ERBB2: variants seen among roughly 807,000 people sequenced by gnomAD.
ERBB2 encodes erb-b2 receptor tyrosine kinase 2, also known as receptor tyrosine-protein kinase erbB-2.
In ERBB2, 61 loss-of-function variants were observed where a neutral mutation model predicts 149.0. That is an observed-to-expected ratio of 0.41 (90% confidence interval 0.33 to 0.51). The LOEUF (loss-of-function observed/expected upper bound fraction) is 0.51. ERBB2 is among the 20% of genes least tolerant of loss of function. ERBB2 has a pLI of 0.25. For synonymous variants in ERBB2, 633 were observed against 678.8 expected (o/e 0.93, Z 1.05); for missense variants, 1,205 against 1,655.1 (o/e 0.73, Z 4.72).
intron 14 of ERBB2, 31 bp from the exon 15 acceptor site, chr17:39,717,289 G>A: frequency 1.3e-6 from 2 of 1,562,024 alleles, no homozygotes; most frequent in Non-Finnish European, 1.7e-6. Context: ...GTCAGTGCCA[G>A]CCCCCCACAA....
Position 39,728,408 on chromosome 17 carries a change from G to T in ERBB2, c.*364G>T. On this transcript the variant is annotated 3_prime_UTR_variant, in exon 27 of 27. Coordinates refer to ENST00000269571, the MANE Select transcript of ERBB2 (RefSeq NM_004448.4). ...GAAGCGGCCCTAAGGGAGTGTCTAA[G>T]AACAAAAGCGACCCATTCAGAGACT... 4.1e-6 allele frequency: 1 copy of T among 246,216 alleles called. No individual in the cohort carries two copies. The highest frequency in any genetic ancestry group is 2.2e-5 in the African/African-American group (1 of 45,632). The allele number at this position is 246,216 out of a possible 1,614,324, so 15.3% of individuals were successfully genotyped here.
intron 3 of ERBB2, among the ~76,000 whole-genome samples, chr17:39,708,921 TATTCTC>T (rs2058629137): frequency 6.6e-6 from 1 of 152,160 alleles, no homozygotes; most frequent in South Asian, 2.1e-4. Context: ...AAATCAGTGT[TATTCTC>T]ATTCTACATA....
rs369499945 is a variant in ERBB2, at chr17:39,708,368, G to A, written c.273G>A (p.Val91=). The A allele has an allele frequency of 1.2e-6, 2 of 1,614,044 alleles. No homozygotes were observed. Among genetic ancestry groups the A allele is most frequent in the Admixed American group, 3.3e-5 (2 of 60,004 alleles). The change falls in exon 3 of 27, where the codon GTG becomes GTA. Residue 91 remains valine, a synonymous_variant. Transcript: ENST00000269571. ...QGYVLIAHNQ[V]RQVPLQRLRI... is the part of the protein sequence containing the mutation. ...ACGTGCTCATCGCTCACAACCAAGT[G>A]AGGCAGGTCCCACTGCAGAGGCTGC...
chr17:39,712,429 C>G lies in ERBB2; in HGVS notation c.1129C>G (p.Leu377Val), dbSNP rs2058864747. 6.2e-7 allele frequency: 1 copy of G among 1,613,750 alleles called. No individual in the cohort carries two copies. Among genetic ancestry groups the G allele is most frequent in the Non-Finnish European group, 8.5e-7 (1 of 1,179,920 alleles). ...GAAGATCTTTGGGAGCCTGGCATTTCTGCCGGAGAGCTTTGATGGGTAAGA... is the reference window on the plus strand; with the variant it reads ...GAAGATCTTTGGGAGCCTGGCATTTGTGCCGGAGAGCTTTGATGGGTAAGA... ...CKKIFGSLAF[L>V]PESFDGDPAS... is the part of the protein sequence containing the mutation. Residue 377 changes from leucine (L) to valine (V), a missense_variant, in exon 9 of 27, where the codon CTG becomes GTG. Leu to Val is a conservative substitution (Grantham distance 32, BLOSUM62 1). Transcript: ENST00000269571.
At chr17:39,716,954 A>T (rs2059167275) in intron 14 of ERBB2, 1 of 452,230 alleles carries the variant, frequency 2.2e-6, no homozygotes, top group Non-Finnish European at 4.0e-6. Flanking sequence ...TTGTAATAAT[A>T]CCTACCTTGC....
intron 7 of ERBB2, 114 bp from the exon 8 acceptor site, chr17:39,711,814 A>C: frequency 1.6e-6 from 2 of 1,241,662 alleles, no homozygotes; most frequent in Non-Finnish European, 2.3e-6. Context: ...GATGCGTGGT[A>C]GGGCATTTAA....
In ERBB2 at chr17:39,716,621, G is replaced by A. The variant is rs772368317; in HGVS notation, c.1737+16G>A. The A allele has an allele frequency of 1.2e-6, 2 of 1,612,004 alleles. No homozygotes were observed. The highest frequency in any genetic ancestry group is 1.7e-6 in the Non-Finnish European group (2 of 1,178,718). ...TTTTGGACCGGTGAGCTGCTGGCGG[G>A]CTCAGAGCTGGGTGGAGGGGGGCAG... On this transcript the variant is annotated intron_variant, in intron 14 of 26. Coordinates refer to ENST00000269571, the MANE Select transcript of ERBB2 (RefSeq NM_004448.4).
Position 39,727,123 on chromosome 17 carries a change from T to C in ERBB2, c.3159+120T>C. The C allele has an allele frequency of 8.1e-7, 1 of 1,240,380 alleles. No individual in the cohort carries two copies. The highest frequency in any genetic ancestry group is 1.1e-6 in the Non-Finnish European group (1 of 890,792). The allele number at this position is 1,240,380 out of a possible 1,614,324, so 76.8% of individuals were successfully genotyped here. ...CCTCTCAAGGAAACCCCATTATCCC[T>C]ACAAAAAATTCTTACTGCCTTCCAA... On this transcript the variant is annotated intron_variant, in intron 25 of 26. Coordinates refer to ENST00000269571, the MANE Select transcript of ERBB2 (RefSeq NM_004448.4). This position sits in a 1 kb window ranked among gnomAD's most constrained non-coding sequence, Gnocchi z 4.3.
At position 39,727,954 on chromosome 17, in the gene ERBB2, C is replaced by T. The variant is rs2143314269; in HGVS notation, c.3678C>T (p.Asp1226=). ...AFDNLYYWDQ[D]PPERGAPPST... is the part of the protein sequence containing the mutation. ...ACAACCTCTATTACTGGGACCAGGA[C>T]CCACCAGAGCGGGGGGCTCCACCCA... The change falls in exon 27 of 27, where the codon GAC becomes GAT. Residue 1226 remains aspartate, a synonymous_variant. Transcript: ENST00000269571. The surrounding 1 kb of genome is among the most constrained non-coding windows in gnomAD (Gnocchi z 4.3). 4 of 1,614,044 alleles carry T rather than the reference C, an allele frequency of 2.5e-6. No homozygotes were observed. Among genetic ancestry groups the T allele is most frequent in the South Asian group, 1.1e-5 (1 of 91,080 alleles).
At chr17:39,704,608 G>GAC (rs2058314002) in intron 1 of ERBB2, among the ~76,000 whole-genome samples, 1 of 152,126 alleles carries the variant, frequency 6.6e-6, no homozygotes, top group African/African-American at 2.4e-5. Flanking sequence ...CAGATATGGG[G>GAC]ACAATGGTAA....
intron 12 of ERBB2, 137 bp downstream of exon 12, chr17:39,716,076 G>A: frequency 1.9e-6 from 2 of 1,068,502 alleles, no homozygotes; most frequent in South Asian, 1.6e-5. Context: ...CACAGCTCTG[G>A]CTGGCTTGGC....
upstream of ERBB2, among the ~76,000 whole-genome samples, chr17:39,693,061 C>CAAAACA (rs1449684829): frequency 6.6e-5 from 10 of 152,010 alleles, no homozygotes. Context: ...GTCTCTGTCT[C>CAAAACA]AAAACAAAAA....
chr17:39,705,558 C>T (rs2058375239), intron 1 of ERBB2, among the ~76,000 whole-genome samples: 1 of 152,128 alleles, frequency 6.6e-6, no homozygotes. Flanking sequence ...TCTGTTCCTC[C>T]CTCCTGTTCC....
intron 5 of ERBB2, 55 bp from the exon 6 acceptor site, chr17:39,710,031 G>A: frequency 1.3e-6 from 2 of 1,536,408 alleles, no homozygotes; most frequent in Non-Finnish European, 1.8e-6. Context: ...TGATGCTGAT[G>A]AGGGTCTGGT....
chr17:39,706,710 G>A lies in ERBB2; in HGVS notation c.74-280G>A, dbSNP rs572941068. ...TTGCCAGCCAACACCCTGTACTGGC[G>A]GGCGAGCTCCCCAGGGCTGGCACGC... On this transcript the variant is annotated intron_variant, in intron 1 of 26. Transcript: ENST00000269571. 1.1e-4 allele frequency: 35 copies of A among 320,540 alleles called. No homozygotes were observed. In the South Asian group the frequency reaches 1.2e-3, roughly 11 times the overall value. 19.9% of individuals were successfully genotyped at this position (320,540 alleles called of 1,614,324 possible). A position where few individuals can be genotyped will look rare whatever the true frequency, so the allele number is the denominator to read the frequency against.
upstream of ERBB2, among the ~76,000 whole-genome samples, chr17:39,694,249 A>G (rs1208765539): frequency 1.6e-3 from 54 of 34,490 alleles, 1 homozygote; most frequent in Middle Eastern, 0.017. Flanking sequence ...ATATATATAT[A>G]TATATATATA....
In ERBB2 at chr17:39,726,597, C is replaced by G. The variant is rs766129765; in HGVS notation, c.2908C>G (p.Arg970Gly). ...MIDSECRPRF[R>G]ELVSEFSRMA... ...TGACTCTGAATGTCGGCCAAGATTC[C>G]GGGAGTTGGTGTCTGAATTCTCCCG... is the stretch of plus-strand genomic sequence containing the variant. Residue 970 changes from arginine to glycine, a missense_variant, in exon 24 of 27, where the codon CGG becomes GGG. By Grantham distance (125) the Arg-to-Gly change is moderately radical. Coordinates refer to ENST00000269571, the MANE Select transcript of ERBB2 (RefSeq NM_004448.4). The surrounding 1 kb of genome is among the most constrained non-coding windows in gnomAD (Gnocchi z 5.1). 6.2e-7 allele frequency: 1 copy of G among 1,614,154 alleles called. No individual in the cohort carries two copies. The highest frequency in any genetic ancestry group is 8.5e-7 in the Non-Finnish European group (1 of 1,180,012).
At position 39,728,536 on chromosome 17, in the gene ERBB2, G is replaced by A; in HGVS notation, c.*492G>A. 4.3e-6 allele frequency: 1 copy of A among 235,244 alleles called. No individual in the cohort carries two copies. The highest frequency in any genetic ancestry group is 8.4e-6 in the Non-Finnish European group (1 of 119,532). The allele number at this position is 235,244 out of a possible 1,614,324, so 14.6% of individuals were successfully genotyped here. A position where few individuals can be genotyped will look rare whatever the true frequency, so the allele number is the denominator to read the frequency against. ...TTTCTGTTTAGTTTTTACTTTTTTT[G>A]TTTTGTTTTTTTAAAGATGAAATAA... On this transcript the variant is annotated 3_prime_UTR_variant, in exon 27 of 27. Transcript: ENST00000269571.
chr17:39,720,330 T>G, intron 16 of ERBB2: 1 of 162,790 alleles, frequency 6.1e-6, no homozygotes, highest in Admixed American at 5.9e-5. Flanking sequence ...TCTTCAAAGT[T>G]CTGGTGTCGG....
Sources: allele counts gnomAD v4.1 joint callset (sites outside exome capture counted in the v4.1 genomes callset), GRCh38; gene constraint gnomAD v4.1.1; non-coding constraint Gnocchi (gnomAD v3.1); transcripts MANE v1.5; gene names NCBI Gene and HGNC (gene_info 2026-07-23, HGNC 2026-07-21).